SEMA6D: variants seen among roughly 807,000 people sequenced by gnomAD.
SEMA6D encodes the protein semaphorin 6D, also known as semaphorin-6D.
SEMA6D carries 35 observed loss-of-function variants against 106.6 expected under a neutral mutation model. The ratio of observed to expected loss-of-function variants is 0.33; its 90% confidence interval spans 0.25 to 0.44. SEMA6D has a LOEUF of 0.44. Ranked by LOEUF, SEMA6D falls within the 20% of genes least tolerant of loss-of-function variation. The pLI is 1.00. For missense variants in SEMA6D, 1,185 were observed against 1,345.9 expected, an observed-to-expected ratio of 0.88 and a Z score of 1.87; for synonymous variants, 499 against 487.7, an observed-to-expected ratio of 1.02 and a Z score of -0.31.
chr15:47,660,011 T>C (rs1348396930), intron 4 of SEMA6D, among the ~76,000 whole-genome samples: 3 of 152,058 alleles, frequency 2.0e-5, no homozygotes. Context: ...TAACCAATCA[T>C]TGTTTAATCT....
At chr15:47,391,624 C>A (rs957044972) in intron 1 of SEMA6D, among the ~76,000 whole-genome samples, 15 of 151,444 alleles carry the variant, frequency 9.9e-5, no homozygotes, top group African/African-American at 3.4e-4. Context: ...CACAAAGAGG[C>A]CCAAGATGAA....
At chr15:47,344,357 A>G (rs2144600674) in intron 1 of SEMA6D, among the ~76,000 whole-genome samples, 2 of 152,348 alleles carry the variant, frequency 1.3e-5, no homozygotes, top group Admixed American at 1.3e-4. Context: ...GAAACAATCA[A>G]ATAACAATGG....
At chr15:47,605,935 C>T (rs914040006) in intron 4 of SEMA6D, among the ~76,000 whole-genome samples, 1 of 152,100 alleles carries the variant, frequency 6.6e-6, no homozygotes, top group African/African-American at 2.4e-5. Flanking sequence ...AAGATTAACT[C>T]AATCTCTAAC....
chr15:47,262,156 C>T (rs1040700965), intron 1 of SEMA6D, among the ~76,000 whole-genome samples: 10 of 152,060 alleles, frequency 6.6e-5, no homozygotes, highest in South Asian at 2.1e-4. Flanking sequence ...ACGAGGAGAA[C>T]GACAAACCAC....
intron 1 of SEMA6D, among the ~76,000 whole-genome samples, chr15:47,343,348 T>G (rs2037904406): frequency 6.6e-6 from 1 of 151,966 alleles, no homozygotes; most frequent in East Asian, 1.9e-4. Context: ...GTTGGTGTGC[T>G]GCACCCATTA....
At chr15:47,456,956 G>T (rs1452928210) in intron 2 of SEMA6D, among the ~76,000 whole-genome samples, 2 of 151,942 alleles carry the variant, frequency 1.3e-5, no homozygotes, top group Non-Finnish European at 2.9e-5. Context: ...CAGTATGAGG[G>T]TGTGAGGAAA....
At chr15:47,467,333 A>T (rs1420536951) in intron 2 of SEMA6D, among the ~76,000 whole-genome samples, 1 of 152,150 alleles carries the variant, frequency 6.6e-6, no homozygotes, top group Non-Finnish European at 1.5e-5. Context: ...ATCACTGTGG[A>T]TTGACACACT....
chr15:47,427,154 A>G (rs1180155574), intron 2 of SEMA6D, among the ~76,000 whole-genome samples: 1 of 152,156 alleles, frequency 6.6e-6, no homozygotes, highest in Non-Finnish European at 1.5e-5. Context: ...GCAAGTATCC[A>G]TAATATGAAC....
At chr15:47,485,354 T>G (rs1261724458) in intron 3 of SEMA6D, among the ~76,000 whole-genome samples, 1 of 152,100 alleles carries the variant, frequency 6.6e-6, no homozygotes, top group Non-Finnish European at 1.5e-5. Context: ...TTTTGAGAAG[T>G]AGTTAATATT....
At chr15:47,397,742 T>C (rs141259121) in intron 1 of SEMA6D, 308 of 152,316 alleles carry the variant, frequency 2.0e-3, no homozygotes, top group African/African-American at 7.3e-3. Context: ...CCTTGCTTTG[T>C]ACCGCTTGCC....
chr15:47,465,136 G>C (rs1325973447), intron 2 of SEMA6D, among the ~76,000 whole-genome samples: 1 of 152,158 alleles, frequency 6.6e-6, no homozygotes, highest in African/African-American at 2.4e-5. Flanking sequence ...ATAAACACAA[G>C]ATCGTCTTCT....
In SEMA6D at chr15:47,348,673, T is replaced by TCACACACA. The variant is rs71118173; in HGVS notation, c.-238-63682_-238-63675dup. Among the ~76,000 whole-genome samples the TCACACACA allele has an allele frequency of 2.0e-3, 209 of 105,026 alleles. 4 individuals are homozygous for TCACACACA. The highest frequency in any genetic ancestry group is 6.2e-3 in the East Asian group (23 of 3,700). 68.9% of individuals were successfully genotyped at this position (105,026 alleles called of 152,430 possible). A position where few individuals can be genotyped will look rare whatever the true frequency, so the allele number is the denominator to read the frequency against. On this transcript the variant is annotated intron_variant, in intron 1 of 19. Coordinates refer to the SEMA6D transcript ENST00000558014. ...CAGGCCACCTTGACTCAAGAGTACA[T>TCACACACA]CACACACACACACACACACACACAC...
chr15:47,209,773 C>G (rs1362931759), intron 1 of SEMA6D, among the ~76,000 whole-genome samples: 1 of 152,094 alleles, frequency 6.6e-6, no homozygotes, highest in East Asian at 1.9e-4. Context: ...TTCCTTGTTT[C>G]TAAGGAAGTT....
intron 3 of SEMA6D, among the ~76,000 whole-genome samples, chr15:47,514,534 TCAA>T (rs2044327295): frequency 6.6e-6 from 1 of 152,214 alleles, no homozygotes; most frequent in African/African-American, 2.4e-5. Context: ...GCGGCTTTAG[TCAA>T]ATACTTTAGC....
rs71432248 is a variant in SEMA6D at position 47,611,148 on chromosome 15, T to TACACACAC, written c.-55+10283_-55+10290dup. Among the ~76,000 whole-genome samples, 1,129 of 141,638 alleles carry TACACACAC rather than the reference T, an allele frequency of 8.0e-3. 10 individuals carry two copies. The highest frequency in any genetic ancestry group is 0.022 in the African/African-American group (843 of 38,638). The allele number at this position is 141,638 out of a possible 152,430, so 92.9% of individuals were successfully genotyped here. A position where few individuals can be genotyped will look rare whatever the true frequency, so the allele number is the denominator to read the frequency against. ...GCCTACCCACTGCCACCGTCCTACA[T>TACACACAC]ACACACACACACACACACACACACA... is the stretch of plus-strand genomic sequence containing the variant. On this transcript the variant is annotated intron_variant, in intron 4 of 19. Coordinates refer to the SEMA6D transcript ENST00000558014.
chr15:47,763,610 C>T (rs2082178203), intron 9 of SEMA6D, among the ~76,000 whole-genome samples: 1 of 152,154 alleles, frequency 6.6e-6, no homozygotes, highest in Non-Finnish European at 1.5e-5. Context: ...TTCAGCAAGG[C>T]AGATAGACAG....
At chr15:47,320,526 C>G (rs1710019762) in intron 1 of SEMA6D, among the ~76,000 whole-genome samples, 1 of 152,162 alleles carries the variant, frequency 6.6e-6, no homozygotes, top group South Asian at 2.1e-4. Context: ...GAAAGATCAT[C>G]TTGCCCTGGT....
chr15:47,376,849 A>C (rs1162443264), intron 1 of SEMA6D, among the ~76,000 whole-genome samples: 1 of 152,052 alleles, frequency 6.6e-6, no homozygotes, highest in Non-Finnish European at 1.5e-5. Flanking sequence ...TCAGCCCCTT[A>C]TTTTTCCCAT....
At chr15:47,552,868 T>TTATATATATATAAATATATATAAA (rs2045780801) in intron 3 of SEMA6D, among the ~76,000 whole-genome samples, 1 of 57,214 alleles carries the variant, frequency 1.7e-5, no homozygotes, top group Non-Finnish European at 2.7e-5. Flanking sequence ...ATATATATTT[T>TTATATATATATAAATATATATAAA]TATATATATA....
Sources: gnomAD v4.1 joint callset for allele counts (sites outside exome capture counted in the v4.1 genomes callset) on GRCh38, gnomAD v4.1.1 for gene constraint, MANE v1.5 for transcripts, NCBI Gene and HGNC (gene_info 2026-07-23, HGNC 2026-07-21) for gene names.